The following EAF2 variants were observed in gnomAD, a reference collection of about 807,000 sequenced individuals.
The protein encoded by EAF2 is ELL-associated factor 2.
Under a neutral mutation model 29.4 loss-of-function variants are expected in EAF2, and 29 were observed. The observed-to-expected ratio is 0.99, with a 90% CI of 0.73 to 1.35. The LOEUF is 1.35. EAF2 is among the 40% of genes most tolerant of loss of function. The probability of loss-of-function intolerance (pLI) is 0.00; values close to 1 mark genes in which losing one functional copy is unlikely to be tolerated. For synonymous variants in EAF2, 103 were observed against 102.5 expected, an observed-to-expected ratio of 1.00 and a Z score of -0.03; for missense variants, 292 against 312.0, an observed-to-expected ratio of 0.94 and a Z score of 0.48.
chr3:121,843,473 T>A (rs1708468711), intron 1 of EAF2, among the ~76,000 whole-genome samples: 1 of 152,114 alleles, frequency 6.6e-6, no homozygotes, highest in African/African-American at 2.4e-5. Context: ...GCTGGTAATG[T>A]TCTATTTCTT....
intron 4 of EAF2, among the ~76,000 whole-genome samples, chr3:121,870,530 C>G (rs867056437): frequency 2.6e-5 from 4 of 152,130 alleles, no homozygotes; most frequent in South Asian, 4.2e-4. Flanking sequence ...TACACTTAAA[C>G]CGATTCAAGA....
chr3:121,863,743 T>C (rs908629365), intron 4 of EAF2, among the ~76,000 whole-genome samples: 8 of 151,902 alleles, frequency 5.3e-5, no homozygotes, highest in Admixed American at 2.6e-4. Context: ...AGTACCTCAG[T>C]TGGAAATGCA....
chr3:121,874,468 T>C (rs7619918), intron 5 of EAF2, among the ~76,000 whole-genome samples: 8 of 151,622 alleles, frequency 5.3e-5, no homozygotes, highest in African/African-American at 1.7e-4. Context: ...AATTTTCCAG[T>C]AATTAATAAG....
intron 5 of EAF2, 167 bp downstream of exon 5, chr3:121,872,955 T>C (rs1709042461): frequency 4.6e-6 from 5 of 1,084,170 alleles, no homozygotes; most frequent in Non-Finnish European, 6.7e-6. Flanking sequence ...ATCTGTGACA[T>C]AATGCCTTCT....
At chr3:121,848,838 T>G (rs1336897445) in intron 2 of EAF2, among the ~76,000 whole-genome samples, 1 of 151,638 alleles carries the variant, frequency 6.6e-6, no homozygotes, top group Non-Finnish European at 1.5e-5. Flanking sequence ...TTTCCTATAG[T>G]GCACATATTA....
At chr3:121,870,305 C>T (rs542304362) in intron 4 of EAF2, among the ~76,000 whole-genome samples, 1 of 152,220 alleles carries the variant, frequency 6.6e-6, no homozygotes, top group South Asian at 2.1e-4. Flanking sequence ...TTGAATCCAA[C>T]ATTGTATAAC....
intron 5 of EAF2, among the ~76,000 whole-genome samples, chr3:121,874,982 A>G (rs950263771): frequency 6.6e-6 from 1 of 151,858 alleles, no homozygotes; most frequent in African/African-American, 2.4e-5. Context: ...GGAAACTTTT[A>G]GGGAAATAAT....
intron 5 of EAF2, among the ~76,000 whole-genome samples, chr3:121,875,078 T>C (rs903464512): frequency 6.6e-6 from 1 of 151,886 alleles, no homozygotes; most frequent in Non-Finnish European, 1.5e-5. Context: ...CAGGGAAAGT[T>C]ATAATAATAT....
chr3:121,840,515 A>AAAAAAAAAAAAACAAAAAAC (rs1167466790), intron 1 of EAF2, among the ~76,000 whole-genome samples: 1 of 97,892 alleles, frequency 1.0e-5, no homozygotes, highest in Non-Finnish European at 2.0e-5. Context: ...AAAAGAAAAA[A>AAAAAAAAAAAAACAAAAAAC]AAAAAACGGG....
chr3:121,873,432 G>A (rs1481812823), intron 5 of EAF2, among the ~76,000 whole-genome samples: 2 of 151,752 alleles, frequency 1.3e-5, no homozygotes, highest in African/African-American at 4.8e-5. Flanking sequence ...ATTTCTCAAA[G>A]TCATCTGCTT....
At chr3:121,847,957 A>G (rs1212544569) in intron 2 of EAF2, among the ~76,000 whole-genome samples, 1 of 152,158 alleles carries the variant, frequency 6.6e-6, no homozygotes, top group Admixed American at 6.5e-5. Context: ...GCTCTTTGCT[A>G]GTATCTCCAT....
intron 1 of EAF2, among the ~76,000 whole-genome samples, chr3:121,837,056 A>G (rs1708313882): frequency 6.6e-6 from 1 of 152,124 alleles, no homozygotes; most frequent in Admixed American, 6.6e-5. Context: ...AAATAAACAA[A>G]AATAAGCAAA....
Position 121,843,848 on chromosome 3 carries a change from A to G in EAF2, c.107-605A>G, listed in dbSNP as rs111248448. On this transcript the variant is annotated intron_variant, in intron 1 of 5. Coordinates refer to ENST00000273668, the MANE Select transcript of EAF2 (RefSeq NM_018456.6). ...TCATTTAGTGGTGTACATATTCATG[A>G]AAAAAACTGTTAAACTAGAAAGATT... 9.2e-5 allele frequency among the ~76,000 whole-genome samples: 14 copies of G among 152,226 alleles called. 1 individual carries two copies. Among genetic ancestry groups the G allele is most frequent in the South Asian group, 4.1e-4 (2 of 4,826 alleles).
chr3:121,838,614 A>G (rs951389787), intron 1 of EAF2, among the ~76,000 whole-genome samples: 9 of 152,230 alleles, frequency 5.9e-5, no homozygotes, highest in African/African-American at 2.4e-5. Context: ...CATGTTTATC[A>G]TTAAGTAAAG....
chr3:121,862,589 T>G (rs1322946243), intron 4 of EAF2, among the ~76,000 whole-genome samples: 1 of 152,198 alleles, frequency 6.6e-6, no homozygotes, highest in East Asian at 1.9e-4. Context: ...TTTTCAAGGT[T>G]TTTAGCTTCT....
At chr3:121,879,885 A>G (rs1709163475) in intron 5 of EAF2, among the ~76,000 whole-genome samples, 1 of 151,712 alleles carries the variant, frequency 6.6e-6, no homozygotes, top group Admixed American at 6.6e-5. Context: ...CTGTGGTTCT[A>G]TATGAAGCTT....
chr3:121,854,114 G>A (rs955675086), intron 2 of EAF2, among the ~76,000 whole-genome samples: 8 of 152,032 alleles, frequency 5.3e-5, no homozygotes, highest in Middle Eastern at 3.4e-3. Context: ...TCAGGAGTTC[G>A]AGACCAGCCT....
At chr3:121,851,325 G>A (rs1255073181) in intron 2 of EAF2, among the ~76,000 whole-genome samples, 2 of 150,392 alleles carry the variant, frequency 1.3e-5, no homozygotes, top group African/African-American at 2.4e-5. Flanking sequence ...CTACAAATGT[G>A]CACCACCATG....
At chr3:121,858,591 T>C (rs1289535985) in intron 4 of EAF2, among the ~76,000 whole-genome samples, 3 of 152,216 alleles carry the variant, frequency 2.0e-5, no homozygotes, top group African/African-American at 7.2e-5. Context: ...ATGGGTAAAT[T>C]GCAAAAATTT....
Sources: gnomAD v4.1 joint callset for allele counts (sites outside exome capture counted in the v4.1 genomes callset) on GRCh38, gnomAD v4.1.1 for gene constraint, MANE v1.5 for transcripts, NCBI Gene and HGNC (gene_info 2026-07-23, HGNC 2026-07-21) for gene names.